The following NBEAL1 variants were observed in gnomAD, a reference collection of about 807,000 sequenced individuals.
NBEAL1 encodes neurobeachin-like protein 1.
In NBEAL1, 273 loss-of-function variants were observed where a neutral mutation model predicts 351.3. The ratio of observed to expected loss-of-function variants is 0.78; its 90% CI spans 0.70 to 0.86. NBEAL1 has a LOEUF of 0.86. Among genes scored for constraint, NBEAL1 ranks in the 40% least tolerant of loss-of-function variants. The probability of loss-of-function intolerance (pLI) is 0.00; values close to 1 mark genes in which losing one functional copy is unlikely to be tolerated. For synonymous variants in NBEAL1, 1,050 were observed against 1,086.4 expected (o/e 0.97, Z 0.66); for missense variants, 2,961 against 3,201.3 (o/e 0.92, Z 1.81).
intron 11 of NBEAL1, among the ~76,000 whole-genome samples, chr2:203,098,092 C>T (rs2062222892): frequency 6.6e-6 from 1 of 152,032 alleles, no homozygotes; most frequent in Non-Finnish European, 1.5e-5. Flanking sequence ...GAAGAAGATG[C>T]TGAACTCTCT....
chr2:203,224,401 C>A lies in NBEAL1; in HGVS notation c.*7047C>A, dbSNP rs1481345584. ...AGCAAAAAATATAGCAAAAAGTAAT[C>A]ATATCTGGCTAGATAGCCATTTCTC... is the stretch of plus-strand genomic sequence containing the variant. On this transcript the variant is annotated 3_prime_UTR_variant, in exon 56 of 56. Coordinates refer to ENST00000683969, the MANE Select transcript of NBEAL1 (RefSeq NM_001378026.1). Among the ~76,000 whole-genome samples, 1 of 152,000 alleles carries A rather than the reference C, an allele frequency of 6.6e-6. No individual in the cohort carries two copies. Among genetic ancestry groups the A allele is most frequent in the Non-Finnish European group, 1.5e-5 (1 of 67,938 alleles).
intron 6 of NBEAL1, among the ~76,000 whole-genome samples, chr2:203,058,094 G>T (rs573981354): frequency 6.6e-6 from 1 of 151,796 alleles, no homozygotes; most frequent in African/African-American, 2.4e-5. Flanking sequence ...TGCCTGCCTC[G>T]GCCTCCCAAA....
intron 51 of NBEAL1, among the ~76,000 whole-genome samples, chr2:203,203,234 C>T (rs1477642195): frequency 2.0e-5 from 3 of 151,636 alleles, no homozygotes; most frequent in African/African-American, 7.3e-5. Context: ...CTCCGCCTCC[C>T]GGGTTCAAGC....
rs1032771929 is a variant in NBEAL1, at chr2:203,218,633, T to C, written c.*1279T>C. On this transcript the variant is annotated 3_prime_UTR_variant, in exon 56 of 56. Coordinates refer to ENST00000683969, the MANE Select transcript of NBEAL1 (RefSeq NM_001378026.1). ...GTATTCTTTTTTGTTCCACAAATCA[T>C]AGATGTCCTTAAATCCAATTGTCTT... The C allele has an allele frequency of 1.6e-4, 25 of 152,216 alleles. No individual in the cohort carries two copies. Among genetic ancestry groups the C allele is most frequent in the African/African-American group, 4.8e-4 (20 of 41,468 alleles). The allele number at this position is 152,216 out of a possible 1,614,324, so 9.4% of individuals were successfully genotyped here.
rs866402664 is a variant in NBEAL1 at position 203,221,287 on chromosome 2, A to C, written c.*3933A>C. 6.6e-6 allele frequency among the ~76,000 whole-genome samples: 1 copy of C among 151,924 alleles called. No homozygotes were observed. Among genetic ancestry groups the C allele is most frequent in the Middle Eastern group, 3.4e-3 (1 of 292 alleles). On this transcript the variant is annotated 3_prime_UTR_variant, in exon 56 of 56. Coordinates refer to ENST00000683969, the MANE Select transcript of NBEAL1 (RefSeq NM_001378026.1). ...GAACTTAAGGAAGTTAGCTCCTTTT[A>C]TATATTTATAAAATGAGTAGCATTA...
chr2:203,136,823 A>C, intron 29 of NBEAL1, 49 bp downstream of exon 29: 1 of 1,495,052 alleles, frequency 6.7e-7, no homozygotes, highest in African/African-American at 1.4e-5. Flanking sequence ...TGACAGCAGG[A>C]GTCTAAAATA....
intron 36 of NBEAL1, among the ~76,000 whole-genome samples, chr2:203,163,484 T>C (rs1281629632): frequency 6.6e-6 from 1 of 152,164 alleles, no homozygotes; most frequent in Admixed American, 6.5e-5. Flanking sequence ...TCTTGACAAA[T>C]ACTCATAACC....
chr2:203,074,317 CTTTTTTTTTTTTT>C (rs56217945), intron 7 of NBEAL1, among the ~76,000 whole-genome samples: 3 of 98,330 alleles, frequency 3.1e-5, no homozygotes, highest in African/African-American at 7.9e-5. Flanking sequence ...TTTCTTTCTT[CTTTTTTTTTTTTT>C]TTTTTTTTTT....
At chr2:203,099,502 C>A (rs746797804) in intron 11 of NBEAL1, 127 bp from the exon 12 acceptor site, 2 of 569,838 alleles carry the variant, frequency 3.5e-6, no homozygotes, top group East Asian at 3.0e-5. Flanking sequence ...AAATCCATTT[C>A]ATCAGAAGAG....
At chr2:203,096,861 A>G (rs945260731) in intron 10 of NBEAL1, among the ~76,000 whole-genome samples, 3 of 152,226 alleles carry the variant, frequency 2.0e-5, no homozygotes, top group African/African-American at 7.2e-5. Context: ...CCTTAACTAT[A>G]GAACCATACT....
intron 6 of NBEAL1, among the ~76,000 whole-genome samples, chr2:203,067,412 G>A (rs1243497068): frequency 6.6e-6 from 1 of 152,138 alleles, no homozygotes; most frequent in Non-Finnish European, 1.5e-5. Flanking sequence ...TAGTAGATCT[G>A]GATCTTAGAA....
chr2:203,089,381 A>G (rs2062024202), intron 10 of NBEAL1, among the ~76,000 whole-genome samples: 1 of 151,350 alleles, frequency 6.6e-6, no homozygotes, highest in South Asian at 2.1e-4. Flanking sequence ...AAAGATCCCC[A>G]CTTTGTTCCA....
intron 42 of NBEAL1, among the ~76,000 whole-genome samples, chr2:203,177,448 G>A (rs937286153): frequency 6.6e-6 from 1 of 150,636 alleles, no homozygotes; most frequent in African/African-American, 2.4e-5. Flanking sequence ...TTAAAACATA[G>A]ACAACAGATC....
intron 31 of NBEAL1, among the ~76,000 whole-genome samples, chr2:203,143,508 T>G (rs2063434379): frequency 6.6e-6 from 1 of 152,196 alleles, no homozygotes; most frequent in South Asian, 2.1e-4. Flanking sequence ...TAAGCAGGAT[T>G]CAGTCAGGGC....
At chr2:203,023,781 G>T (rs972609705) in intron 2 of NBEAL1, among the ~76,000 whole-genome samples, 11 of 152,020 alleles carry the variant, frequency 7.2e-5, no homozygotes, top group Non-Finnish European at 7.4e-5. Context: ...GGTCTGTGCT[G>T]GAAATAAAGA....
At chr2:203,077,624 C>T (rs995031302) in intron 7 of NBEAL1, 128 bp from the exon 8 acceptor site, 2 of 488,248 alleles carry the variant, frequency 4.1e-6, no homozygotes, top group Non-Finnish European at 6.7e-6. Context: ...GCATATCAAC[C>T]TTGGCTTTTA....
chr2:203,196,969 A>G (rs2065256424), intron 47 of NBEAL1, among the ~76,000 whole-genome samples: 1 of 152,176 alleles, frequency 6.6e-6, no homozygotes. Context: ...TTCTTATATG[A>G]TCCGTATTTT....
At chr2:203,166,789 A>G (rs2064148130) in intron 37 of NBEAL1, among the ~76,000 whole-genome samples, 1 of 151,718 alleles carries the variant, frequency 6.6e-6, no homozygotes, top group African/African-American at 2.4e-5. Flanking sequence ...TCCCAAACTC[A>G]TGTGATCTGC....
intron 53 of NBEAL1, 94 bp downstream of exon 53, chr2:203,209,416 A>G: frequency 1.1e-6 from 1 of 927,474 alleles, no homozygotes; most frequent in African/African-American, 1.6e-5. Flanking sequence ...AGGAAAGAAC[A>G]CCATATTTTA....
Sources: gnomAD v4.1 joint callset for allele counts (sites outside exome capture counted in the v4.1 genomes callset) on GRCh38, gnomAD v4.1.1 for gene constraint, MANE v1.5 for transcripts, NCBI Gene and HGNC (gene_info 2026-07-23, HGNC 2026-07-21) for gene names.